The following MAP3K7 variants were observed in gnomAD, a reference collection of about 807,000 sequenced individuals.
MAP3K7 encodes TGF-beta activated kinase 1.
In MAP3K7, 21 loss-of-function variants were observed where a neutral mutation model predicts 84.8. That is an observed-to-expected ratio of 0.25 (90% CI 0.18 to 0.36). The LOEUF (loss-of-function observed/expected upper bound fraction) is 0.36. MAP3K7 is among the 10% of genes least tolerant of loss of function. The pLI is 1.00. For synonymous variants in MAP3K7, 241 were observed against 247.7 expected, an observed-to-expected ratio of 0.97 and a Z score of 0.25; for missense variants, 503 against 747.7, an observed-to-expected ratio of 0.67 and a Z score of 3.82.
chr6:90,526,681 A>G (rs984090820), intron 13 of MAP3K7, among the ~76,000 whole-genome samples: 1 of 152,056 alleles, frequency 6.6e-6, no homozygotes, highest in African/African-American at 2.4e-5. Flanking sequence ...AAAATAGTAA[A>G]AGATAGTATT....
chr6:90,574,942 C>A (rs1008058829), intron 1 of MAP3K7, among the ~76,000 whole-genome samples: 2 of 152,038 alleles, frequency 1.3e-5, no homozygotes, highest in Non-Finnish European at 2.9e-5. Context: ...TTATTAGGGC[C>A]ACGAGATATT....
At chr6:90,572,880 T>G (rs1472664168) in intron 1 of MAP3K7, among the ~76,000 whole-genome samples, 2 of 152,104 alleles carry the variant, frequency 1.3e-5, no homozygotes, top group Admixed American at 6.6e-5. Flanking sequence ...AATAAAATCA[T>G]TAGATTTTAT....
chr6:90,545,214 T>A (rs1775966405), intron 11 of MAP3K7, among the ~76,000 whole-genome samples: 1 of 152,102 alleles, frequency 6.6e-6, no homozygotes, highest in South Asian at 2.1e-4. Flanking sequence ...TTAGGGTACA[T>A]TCACAGTAAA....
chr6:90,516,630 T>A lies in MAP3K7; in HGVS notation c.1692A>T (p.Thr564=). 1 of 1,611,358 alleles carries A rather than the reference T, an allele frequency of 6.2e-7. No individual in the cohort carries two copies. The highest frequency in any genetic ancestry group is 8.5e-7 in the Non-Finnish European group (1 of 1,178,800). Residue 564 remains threonine, a synonymous_variant, in exon 17 of 17, where the codon ACA becomes ACT. Transcript: ENST00000369329. ...LDQDEKDQQN[T]SRLVQEHKKL... ...TTTTATGTTCCTGTACCAGGCGAGA[T>A]GTATTTTGCTGGTCCTTTTCATCCT...
chr6:90,526,439 G>GA (rs1166846692), intron 13 of MAP3K7, among the ~76,000 whole-genome samples: 1 of 151,964 alleles, frequency 6.6e-6, no homozygotes, highest in Non-Finnish European at 1.5e-5. Context: ...CTTTTGTTTT[G>GA]AAAAACACTT....
chr6:90,528,542 C>A (rs916091687), intron 13 of MAP3K7, among the ~76,000 whole-genome samples: 14 of 152,120 alleles, frequency 9.2e-5, no homozygotes, highest in Non-Finnish European at 4.4e-5. Flanking sequence ...TCTTGAAAAG[C>A]CACAATGGAT....
intron 1 of MAP3K7, among the ~76,000 whole-genome samples, chr6:90,577,088 T>C (rs1285725595): frequency 6.6e-6 from 1 of 152,024 alleles, no homozygotes; most frequent in Non-Finnish European, 1.5e-5. Flanking sequence ...ATTACAGCAG[T>C]CCAAACAAGC....
chr6:90,548,038 A>G lies in MAP3K7; in HGVS notation c.1080+9T>C, dbSNP rs369180973. The G allele has an allele frequency of 3.2e-5, 52 of 1,606,712 alleles. No homozygotes were observed. Among genetic ancestry groups the G allele is most frequent in the African/African-American group, 4.0e-5 (3 of 74,686 alleles). ...GGTTACCAGTTTTACTTGTAATAAC[A>G]TAACAAACCTGTTGCTTTGCCTGAT... On this transcript the variant is annotated intron_variant, in intron 10 of 16. Transcript: ENST00000369329.
intron 1 of MAP3K7, among the ~76,000 whole-genome samples, chr6:90,581,672 T>C (rs1193202257): frequency 6.6e-6 from 1 of 152,168 alleles, no homozygotes; most frequent in Non-Finnish European, 1.5e-5. Context: ...AATGCAAAAA[T>C]TATCTCTGTA....
chr6:90,541,293 C>T (rs1775848928), intron 12 of MAP3K7, among the ~76,000 whole-genome samples: 2 of 151,946 alleles, frequency 1.3e-5, no homozygotes, highest in South Asian at 4.1e-4. Flanking sequence ...TTCCAACTTA[C>T]CAGCAAGCAA....
chr6:90,537,981 A>G (rs1144159), intron 12 of MAP3K7, among the ~76,000 whole-genome samples: 15,229 of 152,018 alleles, frequency 0.1, 1,031 homozygotes, highest in Non-Finnish European at 0.15. Flanking sequence ...CATTGCAATA[A>G]CAACAAAAAC....
intron 13 of MAP3K7, 134 bp from the exon 14 acceptor site, chr6:90,523,917 C>T: frequency 3.4e-6 from 2 of 585,264 alleles, no homozygotes; most frequent in Non-Finnish European, 3.1e-6. Flanking sequence ...AATAAATCCT[C>T]TCTTATATAT....
intron 5 of MAP3K7, among the ~76,000 whole-genome samples, chr6:90,558,433 A>G (rs1019526052): frequency 6.6e-6 from 1 of 152,154 alleles, no homozygotes; most frequent in African/African-American, 2.4e-5. Context: ...AATTTCTTTT[A>G]CCCAGTACTT....
chr6:90,576,465 A>G (rs1777084564), intron 1 of MAP3K7, among the ~76,000 whole-genome samples: 1 of 148,366 alleles, frequency 6.7e-6, no homozygotes, highest in South Asian at 2.1e-4. Flanking sequence ...ACACACACAC[A>G]CACACAGAAG....
At chr6:90,558,977 A>C (rs964818704) in intron 5 of MAP3K7, among the ~76,000 whole-genome samples, 5 of 152,232 alleles carry the variant, frequency 3.3e-5, no homozygotes, top group African/African-American at 1.2e-4. Context: ...TGTGATTCTC[A>C]TAAGTTTGCT....
intron 2 of MAP3K7, among the ~76,000 whole-genome samples, chr6:90,570,632 T>C (rs1448514267): frequency 6.6e-6 from 1 of 152,182 alleles, no homozygotes. Context: ...TGAAGTCTTT[T>C]TTACTAAGAA....
chr6:90,544,928 A>G (rs1355483038), intron 11 of MAP3K7, among the ~76,000 whole-genome samples: 1 of 152,092 alleles, frequency 6.6e-6, no homozygotes, highest in African/African-American at 2.4e-5. Context: ...ATATATTCAT[A>G]GAAACAGTCT....
chr6:90,557,450 G>A (rs1428372815), intron 5 of MAP3K7, among the ~76,000 whole-genome samples: 1 of 152,112 alleles, frequency 6.6e-6, no homozygotes, highest in Admixed American at 6.5e-5. Context: ...TTAGTCCAAT[G>A]TGACTAAAAT....
chr6:90,518,179 TA>T (rs1375472253), intron 16 of MAP3K7, among the ~76,000 whole-genome samples: 1 of 151,646 alleles, frequency 6.6e-6, no homozygotes, highest in Non-Finnish European at 1.5e-5. Flanking sequence ...AAGAAAACAA[TA>T]AATCTTTATA....
Sources: gnomAD v4.1 joint callset for allele counts (sites outside exome capture counted in the v4.1 genomes callset) on GRCh38, gnomAD v4.1.1 for gene constraint, MANE v1.5 for transcripts, NCBI Gene and HGNC (gene_info 2026-07-23, HGNC 2026-07-21) for gene names.